The following LIMS1 variants were observed in gnomAD, a reference collection of about 807,000 sequenced individuals.
The protein encoded by LIMS1 is LIM zinc finger domain containing 1.
Under a neutral mutation model 44.1 loss-of-function variants are expected in LIMS1, and 18 were observed. The observed-to-expected ratio is 0.41, with a 90% confidence interval of 0.28 to 0.61. The LOEUF (loss-of-function observed/expected upper bound fraction) is 0.61. Ranked by LOEUF, LIMS1 falls within the 20% of genes least tolerant of loss-of-function variation. The probability of loss-of-function intolerance (pLI) is 0.32; values close to 1 mark genes in which losing one functional copy is unlikely to be tolerated. For missense variants in LIMS1, 201 were observed against 422.0 expected, an observed-to-expected ratio of 0.48 and a Z score of 4.59; for synonymous variants, 93 against 149.1, an observed-to-expected ratio of 0.62 and a Z score of 2.74.
In LIMS1 at chr2:108,616,339, G is replaced by A. The variant is rs968764778; in HGVS notation, c.33-43266G>A. ...TGATCCCCCCATCTCAGTCTCCCTC[G>A]TAGTTGGGACTACAGGCACTCGCCA... On this transcript the variant is annotated intron_variant, in intron 1 of 9. Coordinates refer to ENST00000544547, the Ensembl canonical transcript of LIMS1. Among the ~76,000 whole-genome samples the A allele has an allele frequency of 7.9e-5, 12 of 151,230 alleles. No individual in the cohort carries two copies. The South Asian group carries it at 1.7e-3, about 21-fold the overall frequency.
intron 1 of LIMS1, among the ~76,000 whole-genome samples, chr2:108,548,721 A>G (rs1432966008): frequency 6.6e-6 from 1 of 152,212 alleles, no homozygotes; most frequent in Admixed American, 6.5e-5. Context: ...ACAGACAAAA[A>G]CCACATCTCT....
intron 1 of LIMS1, among the ~76,000 whole-genome samples, chr2:108,656,023 C>T (rs1440891021): frequency 3.6e-5 from 3 of 83,654 alleles, no homozygotes; most frequent in African/African-American, 8.1e-5. Flanking sequence ...TTCCATAATC[C>T]GTGCTCTGTG....
At chr2:108,607,264 T>C (rs1200267856) in intron 1 of LIMS1, 3 of 1,550,926 alleles carry the variant, frequency 1.9e-6, no homozygotes, top group Non-Finnish European at 2.6e-6. Flanking sequence ...TGGTGAGTGC[T>C]GCTGCACAAT....
chr2:108,680,637 C>T, intron 8 of LIMS1, 58 bp from the exon 9 acceptor site: 1 of 1,609,774 alleles, frequency 6.2e-7, no homozygotes, highest in Non-Finnish European at 8.5e-7. Context: ...TTCTAAGCTG[C>T]CCTGCTCCCC....
At position 108,637,066 on chromosome 2, in the gene LIMS1, G is replaced by T. The variant is rs976395595; in HGVS notation, c.33-22539G>T. Among the ~76,000 whole-genome samples, 16 of 150,634 alleles carry T rather than the reference G, an allele frequency of 1.1e-4. No individual in the cohort carries two copies. The South Asian group carries it at 1.3e-3, about 12-fold the overall frequency. ...AAAATTTAAAGTTAATGAAAGAAAA[G>T]AAACCTTTTTAAATTCAGCAAAATA... On this transcript the variant is annotated intron_variant, in intron 1 of 9. Coordinates refer to ENST00000544547, the Ensembl canonical transcript of LIMS1.
chr2:108,586,235 G>A (rs1243008873), intron 1 of LIMS1, among the ~76,000 whole-genome samples: 1 of 152,026 alleles, frequency 6.6e-6, no homozygotes, highest in Non-Finnish European at 1.5e-5. Context: ...AAAGAAAATG[G>A]TGTCTGAAAA....
At chr2:108,608,747 C>T (rs769008642) in intron 1 of LIMS1, among the ~76,000 whole-genome samples, 2 of 152,110 alleles carry the variant, frequency 1.3e-5, no homozygotes, top group African/African-American at 2.4e-5. Context: ...GTAGAGTGAT[C>T]ATAGATGGGG....
At chr2:108,588,796 T>G (rs781196623) in intron 1 of LIMS1, among the ~76,000 whole-genome samples, 1 of 152,222 alleles carries the variant, frequency 6.6e-6, no homozygotes. Context: ...CTGCAGAGGT[T>G]ATGATTGTGG....
chr2:108,672,165 CAAAAAA>C (rs559219796), intron 3 of LIMS1, among the ~76,000 whole-genome samples, 154 bp from the exon 4 acceptor site: 3 of 56,830 alleles, frequency 5.3e-5, no homozygotes, highest in Non-Finnish European at 7.2e-5. Context: ...GAAACTGTCT[CAAAAAA>C]AAAAAAAAAA....
chr2:108,594,570 T>C (rs1398285512), intron 1 of LIMS1, among the ~76,000 whole-genome samples: 1 of 152,160 alleles, frequency 6.6e-6, no homozygotes, highest in Non-Finnish European at 1.5e-5. Flanking sequence ...GCGTATTCAA[T>C]AAGCAGGGCT....
In LIMS1 at chr2:108,590,210, A is replaced by G. The variant is rs1021418605; in HGVS notation, c.32+55616A>G. Among the ~76,000 whole-genome samples the G allele has an allele frequency of 3.3e-5, 5 of 152,272 alleles. No homozygotes were observed. In the South Asian group the frequency reaches 6.2e-4, roughly 19 times the overall value. ...TAAGAGTGATACCGATTGCATGTGT[A>G]AGGCAGTCTCTTATATAGATGTATG... On this transcript the variant is annotated intron_variant, in intron 1 of 9. Coordinates refer to ENST00000544547, the Ensembl canonical transcript of LIMS1.
intron 2 of LIMS1, among the ~76,000 whole-genome samples, chr2:108,663,353 C>A (rs1691503645): frequency 6.6e-6 from 1 of 152,124 alleles, no homozygotes; most frequent in Admixed American, 6.5e-5. Context: ...AACTCCTGAG[C>A]TCAAGTGATT....
Position 108,683,506 on chromosome 2 carries a change from C to T in LIMS1, c.900-379C>T, listed in dbSNP as rs150242612. On this transcript the variant is annotated intron_variant, in intron 9 of 9. Coordinates refer to ENST00000544547, the Ensembl canonical transcript of LIMS1. The stretch of plus-strand genomic sequence containing the variant: ...GCAGGGAGCTGTGATCACCACTGCA[C>T]TCCAGCCTGAGTGACAGTCGAGGCT... 3.9e-3 allele frequency among the ~76,000 whole-genome samples: 560 copies of T among 143,226 alleles called. 2 individuals carry two copies. The highest frequency in any genetic ancestry group is 0.012 in the African/African-American group (451 of 38,418). 94.0% of individuals were successfully genotyped at this position (143,226 alleles called of 152,430 possible). A position where few individuals can be genotyped will look rare whatever the true frequency, so the allele number is the denominator to read the frequency against.
At chr2:108,547,518 G>A (rs1684520737) in intron 1 of LIMS1, among the ~76,000 whole-genome samples, 1 of 152,060 alleles carries the variant, frequency 6.6e-6, no homozygotes, top group Admixed American at 6.5e-5. Flanking sequence ...TAGCCAAGAG[G>A]GACTGTTGGC....
intron 8 of LIMS1, among the ~76,000 whole-genome samples, chr2:108,680,028 C>A (rs1479933868): frequency 6.6e-6 from 1 of 151,586 alleles, no homozygotes; most frequent in Non-Finnish European, 1.5e-5. Context: ...AGTTCAAGAC[C>A]GTCCTGGGAA....
intron 1 of LIMS1, among the ~76,000 whole-genome samples, chr2:108,648,675 G>A (rs188538124): frequency 3.9e-5 from 6 of 152,148 alleles, no homozygotes; most frequent in South Asian, 2.1e-4. Flanking sequence ...CAGAAATAAC[G>A]CCACACATCT....
chr2:108,552,594 G>GTGTGTGTGTA (rs141365207), intron 1 of LIMS1, among the ~76,000 whole-genome samples: 69 of 117,020 alleles, frequency 5.9e-4, no homozygotes, highest in East Asian at 3.6e-3. Flanking sequence ...GGGTGTGTGT[G>GTGTGTGTGTA]TGTGTGTGTG....
At chr2:108,570,173 G>C (rs1474200250) in intron 1 of LIMS1, among the ~76,000 whole-genome samples, 1 of 152,094 alleles carries the variant, frequency 6.6e-6, no homozygotes, top group Non-Finnish European at 1.5e-5. Flanking sequence ...GCTCACGCCT[G>C]TAATCCCAGC....
chr2:108,579,380 C>T (rs1484757297), intron 1 of LIMS1, among the ~76,000 whole-genome samples: 1 of 152,118 alleles, frequency 6.6e-6, no homozygotes, highest in Admixed American at 6.5e-5. Context: ...TGTTTCCAAG[C>T]ATATGAACTT....
Sources: allele counts gnomAD v4.1 joint callset (sites outside exome capture counted in the v4.1 genomes callset), GRCh38; gene constraint gnomAD v4.1.1; transcripts MANE v1.5; gene names NCBI Gene and HGNC (gene_info 2026-07-23, HGNC 2026-07-21).